KIAA1217: variants seen among roughly 807,000 people sequenced by gnomAD.
KIAA1217 encodes the protein KIAA1217, also known as sickle tail protein homolog.
A neutral mutation model predicts 163.9 loss-of-function variants in KIAA1217; 88 were observed. The observed-to-expected ratio is 0.54, with a 90% confidence interval of 0.45 to 0.64. KIAA1217 has a LOEUF of 0.64. Ranked by LOEUF, KIAA1217 falls within the 30% of genes least tolerant of loss-of-function variation. The pLI is 0.00. For missense variants in KIAA1217, 2,372 were observed against 2,475.0 expected (o/e 0.96, Z 0.88); for synonymous variants, 903 against 923.1 (o/e 0.98, Z 0.39).
chr10:24,508,036 T>C (rs772501843), intron 9 of KIAA1217, among the ~76,000 whole-genome samples: 1 of 152,154 alleles, frequency 6.6e-6, no homozygotes, highest in Non-Finnish European at 1.5e-5. Flanking sequence ...GAAGCCTGCA[T>C]TACCCTAAGA....
intron 1 of KIAA1217, among the ~76,000 whole-genome samples, chr10:23,919,606 T>TAAAA (rs66850484): frequency 2.6e-5 from 2 of 76,706 alleles, no homozygotes; most frequent in Non-Finnish European, 4.9e-5. Flanking sequence ...ACTCCTTCTC[T>TAAAA]AAAAAAAAAA....
rs868186091 is a variant in KIAA1217 at position 23,816,939 on chromosome 10, G to A, written c.-321+121705G>A. ...AAGTGGAAAAAAGGATGACTCTGCT[G>A]TTCTCAGGCTGCAGCATATACTGCT... On this transcript the variant is annotated intron_variant, in intron 1 of 18. Transcript: ENST00000376462. 7.9e-5 allele frequency among the ~76,000 whole-genome samples: 12 copies of A among 152,198 alleles called. No individual in the cohort carries two copies. The South Asian group carries it at 8.3e-4, about 10-fold the overall frequency.
intron 2 of KIAA1217, among the ~76,000 whole-genome samples, chr10:24,092,549 C>CACCATGGAACACTACTCA (rs2061973353): frequency 6.6e-6 from 1 of 151,786 alleles, no homozygotes; most frequent in Non-Finnish European, 1.5e-5. Context: ...AGTCTGTGTA[C>CACCATGGAACACTACTCA]ACCATGGAAC....
chr10:24,483,854 A>C (rs2065010568), intron 6 of KIAA1217, among the ~76,000 whole-genome samples: 1 of 152,210 alleles, frequency 6.6e-6, no homozygotes, highest in South Asian at 2.1e-4. Context: ...AGGTGATTTC[A>C]TAAAGCAGGG....
intron 2 of KIAA1217, among the ~76,000 whole-genome samples, chr10:24,354,408 T>C (rs2048826120): frequency 6.6e-6 from 1 of 152,140 alleles, no homozygotes; most frequent in Non-Finnish European, 1.5e-5. Context: ...CAGTAGCATC[T>C]AGGGGTGGGT....
intron 15 of KIAA1217, among the ~76,000 whole-genome samples, chr10:24,532,624 C>T (rs2073290735): frequency 6.6e-6 from 1 of 152,054 alleles, no homozygotes. Context: ...TGGTGGCAGG[C>T]AAGAAAGAGA....
At chr10:23,832,210 G>A (rs531731719) in intron 1 of KIAA1217, among the ~76,000 whole-genome samples, 13 of 152,268 alleles carry the variant, frequency 8.5e-5, no homozygotes, top group Admixed American at 5.2e-4. Context: ...ACTTCCTTGG[G>A]TTTGATTAAT....
At chr10:24,084,436 C>T (rs1015878725) in intron 2 of KIAA1217, among the ~76,000 whole-genome samples, 14 of 152,070 alleles carry the variant, frequency 9.2e-5, no homozygotes, top group African/African-American at 3.1e-4. Flanking sequence ...GTGCCTGACA[C>T]GAAGTGCTTT....
At chr10:23,736,671 T>C (rs1838822500) in intron 1 of KIAA1217, among the ~76,000 whole-genome samples, 1 of 152,110 alleles carries the variant, frequency 6.6e-6, no homozygotes, top group South Asian at 2.1e-4. Flanking sequence ...CACAGGGACA[T>C]ACCACCATGC....
Position 23,996,037 on chromosome 10 carries a change from C to T in KIAA1217, c.-320-11188C>T, listed in dbSNP as rs543114785. On this transcript the variant is annotated intron_variant, in intron 1 of 18. Transcript: ENST00000376462. ...TGGAAATATGCTTTGCAAATTCAAA[C>T]TGGGGTTGAAATGTTGGTGCTAGCC... is the stretch of plus-strand genomic sequence containing the variant. Among the ~76,000 whole-genome samples, 6 of 152,228 alleles carry T rather than the reference C, an allele frequency of 3.9e-5. No individual in the cohort carries two copies. In the East Asian group the frequency reaches 1.2e-3, roughly 29 times the overall value.
intron 1 of KIAA1217, among the ~76,000 whole-genome samples, chr10:23,752,234 G>T (rs962795980): frequency 1.3e-5 from 2 of 152,206 alleles, no homozygotes; most frequent in African/African-American, 4.8e-5. Context: ...CGAGTTGGAA[G>T]TATTGTATTA....
chr10:24,112,648 A>C (rs999165614), intron 2 of KIAA1217, among the ~76,000 whole-genome samples: 3 of 151,782 alleles, frequency 2.0e-5, no homozygotes, highest in African/African-American at 7.3e-5. Flanking sequence ...GTGGTGGCAC[A>C]ATCTCGGCTC....
chr10:24,349,035 A>G (rs906265815), intron 2 of KIAA1217, among the ~76,000 whole-genome samples: 1 of 151,534 alleles, frequency 6.6e-6, no homozygotes, highest in African/African-American at 2.4e-5. Flanking sequence ...GGGAGGCTGA[A>G]GTGGGATCAC....
chr10:23,989,652 G>C (rs11013830), intron 1 of KIAA1217, among the ~76,000 whole-genome samples: 13,962 of 152,178 alleles, frequency 0.092, 1,543 homozygotes, highest in African/African-American at 0.26. Context: ...ATATTTTGGG[G>C]TATCAGTTCC....
chr10:24,023,599 T>C (rs1035588574), intron 2 of KIAA1217, among the ~76,000 whole-genome samples: 1 of 151,702 alleles, frequency 6.6e-6, no homozygotes, highest in Non-Finnish European at 1.5e-5. Context: ...AATTTTGGTA[T>C]ATGTGGGAGT....
chr10:23,952,982 T>C (rs1844406859), intron 1 of KIAA1217, among the ~76,000 whole-genome samples: 1 of 152,230 alleles, frequency 6.6e-6, no homozygotes, highest in Admixed American at 6.5e-5. Context: ...CAACACCAAA[T>C]GCAGGAATTT....
intron 2 of KIAA1217, among the ~76,000 whole-genome samples, chr10:24,132,821 C>A (rs1050516311): frequency 6.6e-6 from 1 of 152,118 alleles, no homozygotes; most frequent in African/African-American, 2.4e-5. Flanking sequence ...GGCTGTCTGC[C>A]GCCTCACCTA....
intron 1 of KIAA1217, among the ~76,000 whole-genome samples, chr10:23,701,939 A>G (rs949158016): frequency 4.6e-5 from 7 of 152,164 alleles, no homozygotes; most frequent in Non-Finnish European, 7.4e-5. Flanking sequence ...AGTGTTTACA[A>G]TGGTTTTGCT....
At chr10:24,408,713 G>C (rs1041576074) in intron 3 of KIAA1217, among the ~76,000 whole-genome samples, 1 of 99,628 alleles carries the variant, frequency 1.0e-5, no homozygotes, top group Non-Finnish European at 1.9e-5. Flanking sequence ...GTCTGTGGGA[G>C]AGTGGCTTCT....
Sources: allele counts gnomAD v4.1 joint callset (sites outside exome capture counted in the v4.1 genomes callset), GRCh38; gene constraint gnomAD v4.1.1; transcripts MANE v1.5; gene names NCBI Gene and HGNC (gene_info 2026-07-23, HGNC 2026-07-21).